The following RSF1 variants were observed in gnomAD, a reference collection of about 807,000 sequenced individuals.
The protein encoded by RSF1 is HBV pX-associated protein 8.
A neutral mutation model predicts 145.2 loss-of-function variants in RSF1; 13 were observed. That is an observed-to-expected ratio of 0.09 (90% CI 0.06 to 0.14). The LOEUF (loss-of-function observed/expected upper bound fraction) is 0.14. RSF1 is among the 10% of genes least tolerant of loss of function. The probability of loss-of-function intolerance (pLI) is 1.00; values close to 1 mark genes in which losing one functional copy is unlikely to be tolerated. For missense variants in RSF1, 1,517 were observed against 1,718.2 expected, an observed-to-expected ratio of 0.88 and a Z score of 2.07; for synonymous variants, 577 against 592.6, an observed-to-expected ratio of 0.97 and a Z score of 0.38.
chr11:77,691,343 AC>A, intron 8 of RSF1, 105 bp from the exon 9 acceptor site: 1 of 864,082 alleles, frequency 1.2e-6, no homozygotes, highest in Non-Finnish European at 1.9e-6. Context: ...CTGGTAAGGG[AC>A]CACATAGTAA....
At chr11:77,852,224 C>CAAAAAA in the RSF1 span, among the ~76,000 whole-genome samples, 5,751 of 33,078 alleles carry the variant, frequency 0.17, 954 homozygotes, top group Non-Finnish European at 0.19. Flanking sequence ...GACACTGTCT[C>CAAAAAA]AAAAAAAAAA....
the RSF1 span, chr11:77,868,781 G>A: frequency 1.3e-5 from 3 of 239,628 alleles, no homozygotes; most frequent in Admixed American, 4.2e-5. Context: ...CTTACACAGT[G>A]TGCTTCTCTG....
chr11:77,727,927 G>A (rs1961098465), intron 4 of RSF1, among the ~76,000 whole-genome samples: 1 of 152,142 alleles, frequency 6.6e-6, no homozygotes, highest in African/African-American at 2.4e-5. Flanking sequence ...CCATCTTTGG[G>A]TTTTTCCTAT....
At chr11:77,870,453 C>G in the RSF1 span, among the ~76,000 whole-genome samples, 1 of 148,244 alleles carries the variant, frequency 6.7e-6, no homozygotes, top group Non-Finnish European at 1.5e-5. Flanking sequence ...TCTCCTGTCT[C>G]AGCCTCCCGA....
At position 77,701,632 on chromosome 11, in the gene RSF1, C is replaced by T. The variant is rs1356777035; in HGVS notation, c.1597G>A (p.Asp533Asn). 2.2e-5 allele frequency: 35 copies of T among 1,613,958 alleles called. No individual in the cohort carries two copies. The highest frequency in any genetic ancestry group is 6.7e-5 in the African/African-American group (5 of 74,896). ...AGAGAAGTTTCCATTTCTGGAGGAT[C>T]GGGTTCCTCTATTTGTGCTTTTTGA... ...HSQKAQIEEP[D>N]PPEMETSLDS... is the part of the protein sequence containing the mutation. Residue 533 changes from aspartate (D) to asparagine (N), a missense_variant, in exon 6 of 16, where the codon GAT (aspartate) becomes AAT (asparagine). By Grantham distance (23) the Asp-to-Asn change is conservative. Transcript: ENST00000308488.
chr11:77,772,692 T>C lies in RSF1; in HGVS notation c.188-8003A>G, dbSNP rs576494917. Among the ~76,000 whole-genome samples, 6 of 152,194 alleles carry C rather than the reference T, an allele frequency of 3.9e-5. No individual in the cohort carries two copies. In the East Asian group the frequency reaches 1.2e-3, roughly 29 times the overall value. ...CTCCAGCTCTAATATTCAATGTCTA[T>C]GTCTAGGTATTGAGGTATTTATTTA... On this transcript the variant is annotated intron_variant, in intron 1 of 15. Coordinates refer to ENST00000308488, the MANE Select transcript of RSF1 (RefSeq NM_016578.4).
chr11:77,691,263 T>G (rs753493882), intron 8 of RSF1, 25 bp from the exon 9 acceptor site: 1 of 1,604,370 alleles, frequency 6.2e-7, no homozygotes, highest in Non-Finnish European at 8.5e-7. Flanking sequence ...TAGATAAAAG[T>G]CATTTTAAAC....
intron 1 of RSF1, among the ~76,000 whole-genome samples, chr11:77,805,428 G>A (rs760671801): frequency 4.0e-5 from 6 of 151,562 alleles, no homozygotes; most frequent in Admixed American, 3.3e-4. Context: ...GGGAGAAAGC[G>A]AGACTCCATC....
intron 1 of RSF1, among the ~76,000 whole-genome samples, chr11:77,780,710 T>C (rs1948393701): frequency 6.6e-6 from 1 of 151,278 alleles, no homozygotes; most frequent in South Asian, 2.1e-4. Flanking sequence ...TGGTAGTCCC[T>C]GCTACTCGGG....
At chr11:77,769,275 A>G (rs1276199459) in intron 1 of RSF1, among the ~76,000 whole-genome samples, 1 of 152,166 alleles carries the variant, frequency 6.6e-6, no homozygotes, top group Non-Finnish European at 1.5e-5. Flanking sequence ...GCCATCAATC[A>G]TATTTTTTAA....
intron 1 of RSF1, among the ~76,000 whole-genome samples, chr11:77,781,132 ACT>A: frequency 6.6e-6 from 1 of 151,346 alleles, no homozygotes; most frequent in Admixed American, 6.6e-5. Flanking sequence ...AGAGAATCTC[ACT>A]CTGTCACACA....
At chr11:77,739,950 A>T (rs1961467697) in intron 4 of RSF1, among the ~76,000 whole-genome samples, 1 of 152,262 alleles carries the variant, frequency 6.6e-6, no homozygotes, top group Non-Finnish European at 1.5e-5. Context: ...ACTATGACAA[A>T]AAAGTGCAAT....
chr11:77,727,017 CAATT>C (rs1961070655), intron 4 of RSF1, among the ~76,000 whole-genome samples: 1 of 152,114 alleles, frequency 6.6e-6, no homozygotes, highest in African/African-American at 2.4e-5. Flanking sequence ...AAATGACAAT[CAATT>C]ATACATGAGA....
At chr11:77,729,262 T>C (rs1247328677) in intron 4 of RSF1, among the ~76,000 whole-genome samples, 1 of 152,186 alleles carries the variant, frequency 6.6e-6, no homozygotes, top group African/African-American at 2.4e-5. Context: ...TTCCATAGGG[T>C]TGAGCCAAGG....
intron 11 of RSF1, 91 bp downstream of exon 11, chr11:77,683,619 G>T: frequency 1.3e-6 from 1 of 773,320 alleles, no homozygotes; most frequent in Non-Finnish European, 2.1e-6. Context: ...GCAATAATCA[G>T]CATGATAGAA....
the RSF1 span, among the ~76,000 whole-genome samples, chr11:77,826,982 G>A: frequency 2.6e-5 from 4 of 152,082 alleles, no homozygotes; most frequent in South Asian, 2.1e-4. Context: ...GCACACACCC[G>A]TCGTCCCTGC....
At chr11:77,843,387 C>T in the RSF1 span, among the ~76,000 whole-genome samples, 2 of 152,150 alleles carry the variant, frequency 1.3e-5, no homozygotes, top group African/African-American at 4.8e-5. Context: ...GATGTAGCCT[C>T]AACAACAGAA....
upstream of RSF1, among the ~76,000 whole-genome samples, chr11:77,825,010 T>A (rs976686918): frequency 6.6e-6 from 1 of 152,184 alleles, no homozygotes; most frequent in Admixed American, 6.6e-5. Context: ...AGACAGAGTC[T>A]CACTCTATCA....
the RSF1 span, among the ~76,000 whole-genome samples, chr11:77,833,009 A>ATATATATT: frequency 1.7e-5 from 1 of 60,036 alleles, no homozygotes; most frequent in African/African-American, 7.0e-5. Flanking sequence ...ATATATATAT[A>ATATATATT]TTTTTTTTTT....
Sources: gnomAD v4.1 joint callset for allele counts (sites outside exome capture counted in the v4.1 genomes callset) on GRCh38, gnomAD v4.1.1 for gene constraint, MANE v1.5 for transcripts, NCBI Gene and HGNC (gene_info 2026-07-23, HGNC 2026-07-21) for gene names.